Variants in GALNTL6 observed in about 807,000 individuals in gnomAD.
GALNTL6 encodes polypeptide N-acetylgalactosaminyltransferase-like 6.
A neutral mutation model predicts 73.7 loss-of-function variants in GALNTL6; 46 were observed. The ratio of observed to expected loss-of-function variants is 0.62; its 90% CI spans 0.49 to 0.80. GALNTL6 has a LOEUF of 0.80. Ranked by LOEUF, GALNTL6 falls within the 30% of genes least tolerant of loss-of-function variation. The probability of loss-of-function intolerance (pLI) is 0.00; values close to 1 mark genes in which losing one functional copy is unlikely to be tolerated. For missense variants in GALNTL6, 604 were observed against 755.0 expected, an observed-to-expected ratio of 0.80 and a Z score of 2.34; for synonymous variants, 259 against 263.7, an observed-to-expected ratio of 0.98 and a Z score of 0.17.
At chr4:172,521,975 T>TC (rs1218039406) in intron 5 of GALNTL6, among the ~76,000 whole-genome samples, 2 of 152,130 alleles carry the variant, frequency 1.3e-5, no homozygotes, top group African/African-American at 2.4e-5. Flanking sequence ...TTCATTAATA[T>TC]CCCCCCAAAA....
At chr4:172,054,894 G>C (rs1025441923) in intron 2 of GALNTL6, among the ~76,000 whole-genome samples, 1 of 152,098 alleles carries the variant, frequency 6.6e-6, no homozygotes, top group Admixed American at 6.6e-5. Context: ...CCAAACTTTT[G>C]ATAACGGAGA....
intron 5 of GALNTL6, among the ~76,000 whole-genome samples, chr4:172,556,090 G>A (rs770002139): frequency 3.3e-5 from 5 of 152,016 alleles, no homozygotes; most frequent in Non-Finnish European, 5.9e-5. Context: ...AAACTTAAAT[G>A]TGCCTTAATG....
At chr4:173,014,104 T>C (rs1752676127) in intron 11 of GALNTL6, among the ~76,000 whole-genome samples, 1 of 148,588 alleles carries the variant, frequency 6.7e-6, no homozygotes. Context: ...ACATGGGAAA[T>C]AAAAAAGAGT....
chr4:172,206,805 G>GTTTGTTGTTTTTT (rs1554003003), intron 2 of GALNTL6, among the ~76,000 whole-genome samples: 13 of 26,130 alleles, frequency 5.0e-4, no homozygotes, highest in African/African-American at 1.1e-3. Context: ...TTGTTTTTCT[G>GTTTGTTGTTTTTT]TTTTTTTTGT....
chr4:172,094,933 A>G (rs1004162116), intron 2 of GALNTL6, among the ~76,000 whole-genome samples: 2 of 150,472 alleles, frequency 1.3e-5, no homozygotes, highest in African/African-American at 4.9e-5. Context: ...TGTTTCTTAA[A>G]TCCCATAGTT....
chr4:172,030,527 A>G (rs1047084585), intron 2 of GALNTL6, among the ~76,000 whole-genome samples: 2 of 151,910 alleles, frequency 1.3e-5, no homozygotes, highest in African/African-American at 4.8e-5. Context: ...ACTGACCAAC[A>G]TGGCAAAACC....
intron 5 of GALNTL6, among the ~76,000 whole-genome samples, chr4:172,708,238 T>C (rs1734481140): frequency 6.6e-6 from 1 of 152,114 alleles, no homozygotes; most frequent in Non-Finnish European, 1.5e-5. Context: ...TTTAGAAACG[T>C]GGAGTTTTGC....
At chr4:172,755,884 A>T (rs1485369261) in intron 5 of GALNTL6, among the ~76,000 whole-genome samples, 1 of 152,174 alleles carries the variant, frequency 6.6e-6, no homozygotes, top group East Asian at 1.9e-4. Context: ...CAGTATCCTT[A>T]TTTAATGAGT....
intron 9 of GALNTL6, among the ~76,000 whole-genome samples, chr4:172,950,404 G>A (rs17059041): frequency 1.3e-5 from 2 of 152,128 alleles, no homozygotes; most frequent in African/African-American, 2.4e-5. Context: ...AACACAGAGG[G>A]AACTGAGAAA....
At chr4:171,964,013 T>C (rs1261232497) in intron 2 of GALNTL6, among the ~76,000 whole-genome samples, 1 of 152,224 alleles carries the variant, frequency 6.6e-6, no homozygotes, top group Non-Finnish European at 1.5e-5. Context: ...CATTATATTA[T>C]AAAAGAATCA....
At chr4:172,224,795 A>G (rs774825734) in intron 2 of GALNTL6, among the ~76,000 whole-genome samples, 3 of 152,034 alleles carry the variant, frequency 2.0e-5, no homozygotes, top group East Asian at 3.9e-4. Context: ...AAGTGTTTTA[A>G]TTTTTTACCT....
At chr4:171,918,529 T>C (rs192794593) in intron 2 of GALNTL6, among the ~76,000 whole-genome samples, 1 of 152,210 alleles carries the variant, frequency 6.6e-6, no homozygotes, top group East Asian at 1.9e-4. Flanking sequence ...TTAAAACCTC[T>C]GCACGGTGTT....
At chr4:172,932,374 T>G (rs142274991) in intron 9 of GALNTL6, among the ~76,000 whole-genome samples, 195 of 152,320 alleles carry the variant, frequency 1.3e-3, no homozygotes, top group African/African-American at 4.4e-3. Flanking sequence ...TAAATACTTT[T>G]TAATGAGTAT....
At chr4:172,508,959 G>A (rs1189225937) in intron 5 of GALNTL6, among the ~76,000 whole-genome samples, 1 of 39,386 alleles carries the variant, frequency 2.5e-5, no homozygotes, top group African/African-American at 6.5e-5. Flanking sequence ...TTTTCTATTA[G>A]TTTTCCATAC....
intron 5 of GALNTL6, among the ~76,000 whole-genome samples, chr4:172,360,209 G>A (rs543139341): frequency 6.6e-6 from 1 of 152,270 alleles, no homozygotes; most frequent in Non-Finnish European, 1.5e-5. Context: ...TTAAATATCT[G>A]CAGCTCCTAA....
At position 173,016,819 on chromosome 4, in the gene GALNTL6, G is replaced by A. The variant is rs142499714; in HGVS notation, c.1489-4657G>A. ...TGTGAGGACATGAGATTTGGAAGGG[G>A]CCAGGGGCAGAATGATATGGTTTGG... On this transcript the variant is annotated intron_variant, in intron 11 of 12. Transcript: ENST00000506823. Among the ~76,000 whole-genome samples, 1,472 of 152,190 alleles carry A rather than the reference G, an allele frequency of 9.7e-3. 26 individuals are homozygous for A. The highest frequency in any genetic ancestry group is 0.034 in the African/African-American group (1,402 of 41,512).
intron 4 of GALNTL6, among the ~76,000 whole-genome samples, chr4:172,346,593 T>A (rs551019246): frequency 1.3e-5 from 2 of 152,248 alleles, no homozygotes; most frequent in Non-Finnish European, 2.9e-5. Flanking sequence ...CTATTAATCT[T>A]CTACACTATC....
intron 2 of GALNTL6, among the ~76,000 whole-genome samples, chr4:171,859,911 A>G (rs1719720907): frequency 6.6e-6 from 1 of 152,206 alleles, no homozygotes; most frequent in Non-Finnish European, 1.5e-5. Flanking sequence ...TCAGATTGAT[A>G]CAATATGGCC....
chr4:172,035,596 A>T (rs1741908628), intron 2 of GALNTL6, among the ~76,000 whole-genome samples: 1 of 152,162 alleles, frequency 6.6e-6, no homozygotes, highest in Non-Finnish European at 1.5e-5. Flanking sequence ...ACACTATCAA[A>T]GCAAAGTAAT....
Sources: allele counts gnomAD v4.1 joint callset (sites outside exome capture counted in the v4.1 genomes callset), GRCh38; gene constraint gnomAD v4.1.1; transcripts MANE v1.5; gene names NCBI Gene and HGNC (gene_info 2026-07-23, HGNC 2026-07-21).